PRAMEF15: variants seen among roughly 807,000 people sequenced by gnomAD.
The protein encoded by PRAMEF15 is PRAME family member 9/15.
In PRAMEF15, 21 loss-of-function variants were observed where a neutral mutation model predicts 35.3. That is an observed-to-expected ratio of 0.59 (90% CI 0.42 to 0.86). The LOEUF is 0.86. PRAMEF15 is among the 40% of genes least tolerant of loss of function. PRAMEF15 has a pLI of 0.00. For synonymous variants in PRAMEF15, 122 were observed against 223.3 expected (o/e 0.55, Z 4.05); for missense variants, 360 against 574.1 (o/e 0.63, Z 3.81).
chr1:13,319,200 A>G (rs527991370), intron 2 of PRAMEF15, among the ~76,000 whole-genome samples, 172 bp from the exon 3 acceptor site: 3 of 151,254 alleles, frequency 2.0e-5, no homozygotes, highest in Non-Finnish European at 2.9e-5. Flanking sequence ...TCTCAAAAAA[A>G]AAAAAAAACA....
At chr1:13,316,518 G>A (rs1640007263) in intron 1 of PRAMEF15, among the ~76,000 whole-genome samples, 2 of 152,024 alleles carry the variant, frequency 1.3e-5, no homozygotes, top group South Asian at 2.1e-4. Flanking sequence ...CATGGCTGTG[G>A]GGGGTGCATG....
chr1:13,320,867 TC>T (rs1330536202), intron 3 of PRAMEF15, among the ~76,000 whole-genome samples: 1 of 152,128 alleles, frequency 6.6e-6, no homozygotes, highest in Admixed American at 6.6e-5. Flanking sequence ...CATCTCTAAT[TC>T]CCTGTTGTAA....
At chr1:13,318,976 G>A (rs1436451084) in intron 2 of PRAMEF15, among the ~76,000 whole-genome samples, 4 of 151,914 alleles carry the variant, frequency 2.6e-5, no homozygotes, top group African/African-American at 9.7e-5. Flanking sequence ...ACATTGGGAG[G>A]CTGAGGTCAA....
rs1640093304 is a variant in PRAMEF15 at position 13,322,159 on chromosome 1, G to T, written c.1332G>T (p.Val444=). 5.6e-6 allele frequency: 9 copies of T among 1,609,398 alleles called. No individual in the cohort carries two copies. The highest frequency in any genetic ancestry group is 1.7e-5 in the Admixed American group (1 of 59,600). Residue 444 remains valine (V), a synonymous_variant, in exon 4 of 4, where the codon GTG becomes GTT. Transcript: ENST00000376152. ...AQIRAELMNR[V]RDLRHPKRIL... is the part of the protein sequence containing the mutation. ...TTAGGGCTGAGCTGATGAACAGAGT[G>T]AGGGACTTAAGGCACCCCAAGAGGA...
chr1:13,316,010 T>TTTTGA (rs1639997945), intron 1 of PRAMEF15, among the ~76,000 whole-genome samples: 2 of 150,602 alleles, frequency 1.3e-5, no homozygotes. Context: ...ACGTTTTTTT[T>TTTTGA]GGGGGTGGGG....
At chr1:13,321,403 G>C (rs1216470774) in intron 3 of PRAMEF15, among the ~76,000 whole-genome samples, 6 of 151,540 alleles carry the variant, frequency 4.0e-5, no homozygotes, top group South Asian at 2.1e-4. Flanking sequence ...TTAGTAGAGA[G>C]GAGGTTTTAC....
At chr1:13,317,311 C>T (rs1421433148) in intron 1 of PRAMEF15, among the ~76,000 whole-genome samples, 1 of 151,876 alleles carries the variant, frequency 6.6e-6, no homozygotes, top group Non-Finnish European at 1.5e-5. Flanking sequence ...CTCAGATGAT[C>T]CACCTGCCTC....
At position 13,319,595 on chromosome 1, in the gene PRAMEF15, G is replaced by T; in HGVS notation, c.517G>T (p.Val173Phe). The T allele has an allele frequency of 6.2e-7, 1 of 1,613,344 alleles. No individual in the cohort carries two copies. The highest frequency in any genetic ancestry group is 8.5e-7 in the Non-Finnish European group (1 of 1,179,536). ...DEYLTYLLLW[V>F]KQRKDLLHLC... Reference sequence around the variant, plus strand: ...ATACCTCACCTACCTCCTTCTATGGGTCAAGCAGAGGAAAGATTTACTACA... The same window carrying T: ...ATACCTCACCTACCTCCTTCTATGGTTCAAGCAGAGGAAAGATTTACTACA... The change falls in exon 3 of 4, where the codon GTC becomes TTC. Residue 173 changes from valine (V) to phenylalanine (F), a missense_variant. This residue lies in a region of PRAMEF15 where 36 missense variants were observed against 164.8 expected (regional missense o/e 0.22). Coordinates refer to ENST00000376152, the MANE Select transcript of PRAMEF15 (RefSeq NM_001098376.3).
chr1:13,318,904 T>C (rs1015588160), intron 2 of PRAMEF15, among the ~76,000 whole-genome samples: 25 of 151,786 alleles, frequency 1.6e-4, no homozygotes, highest in African/African-American at 5.3e-4. Flanking sequence ...CTAATGGCAC[T>C]GAAAGGCACC....
chr1:13,319,390 G>A lies in PRAMEF15; in HGVS notation c.312G>A (p.Val104=). ...GCCACAGGAGGTGGAAACTCCAAGT[G>A]CTGGATTTACAGGATGTCTGTGAGA... The part of the protein sequence containing the change: ...GVRPRRWKLQ[V]LDLQDVCENF... Residue 104 remains valine (V), a synonymous_variant, in exon 3 of 4, where the codon GTG becomes GTA. Coordinates refer to ENST00000376152, the MANE Select transcript of PRAMEF15 (RefSeq NM_001098376.3). The A allele has an allele frequency of 1.2e-6, 2 of 1,611,404 alleles. No homozygotes were observed. Among genetic ancestry groups the A allele is most frequent in the South Asian group, 2.2e-5 (2 of 90,976 alleles).
At chr1:13,321,635 C>G (rs1168560879) in intron 3 of PRAMEF15, 68 bp from the exon 4 acceptor site, 1 of 1,523,424 alleles carries the variant, frequency 6.6e-7, no homozygotes, top group Non-Finnish European at 9.0e-7. Flanking sequence ...TACCTTGAAG[C>G]CATTCCCCAC....
At chr1:13,320,313 C>G (rs1202990813) in intron 3 of PRAMEF15, among the ~76,000 whole-genome samples, 76 of 152,180 alleles carry the variant, frequency 5.0e-4, no homozygotes, top group African/African-American at 1.6e-3. Context: ...AATCCTATCA[C>G]TTTGGGAGTC....
rs1486233690 is a variant in PRAMEF15, at chr1:13,321,687, T to C, written c.876-16T>C. The C allele has an allele frequency of 6.2e-7, 1 of 1,607,528 alleles. No individual in the cohort carries two copies. Among genetic ancestry groups the C allele is most frequent in the Non-Finnish European group, 8.5e-7 (1 of 1,177,280 alleles). The stretch of plus-strand genomic sequence containing the variant: ...CTATGATTCCCCAGAATTAACTTCT[T>C]GCTCTCTCTCCCCAGCTGTCTGAAG... On this transcript the variant is annotated splice_polypyrimidine_tract_variant and intron_variant, in intron 3 of 3. Coordinates refer to ENST00000376152, the MANE Select transcript of PRAMEF15 (RefSeq NM_001098376.3).
intron 2 of PRAMEF15, among the ~76,000 whole-genome samples, chr1:13,319,012 T>C (rs1481789946): frequency 6.6e-6 from 1 of 151,804 alleles, no homozygotes; most frequent in African/African-American, 2.4e-5. Context: ...CTGTCCAACA[T>C]GGTAAACCCC....
Position 13,319,585 on chromosome 1 carries a change from CCTT to C in PRAMEF15, c.510_512del (p.Leu171del). 6.2e-7 allele frequency: 1 copy of C among 1,613,378 alleles called. No homozygotes were observed. Among genetic ancestry groups the C allele is most frequent in the Non-Finnish European group, 8.5e-7 (1 of 1,179,444 alleles). On this transcript the variant is annotated inframe_deletion, in exon 3 of 4. Transcript: ENST00000376152. ...CTCTGGATGAATACCTCACCTACCTCCTTCTATGGGTCAAGCAGAGGAAAGATT... is the reference window on the plus strand; with the variant it reads ...CTCTGGATGAATACCTCACCTACCTCCTATGGGTCAAGCAGAGGAAAGATT...
rs1239657977 is a variant in PRAMEF15 at position 13,319,369 on chromosome 1, C to T, written c.294-3C>T. Reference sequence around the variant, plus strand: ...TCTCAGTCTCACCTCTATTTTGCCACAGGAGGTGGAAACTCCAAGTGCTGG... The same window carrying T: ...TCTCAGTCTCACCTCTATTTTGCCATAGGAGGTGGAAACTCCAAGTGCTGG... On this transcript the variant is annotated splice_polypyrimidine_tract_variant and splice_region_variant and intron_variant, in intron 2 of 3. Coordinates refer to ENST00000376152, the MANE Select transcript of PRAMEF15 (RefSeq NM_001098376.3). 19 of 1,610,304 alleles carry T rather than the reference C, an allele frequency of 1.2e-5. 1 individual carries two copies. The highest frequency in any genetic ancestry group is 2.2e-4 in the Middle Eastern group (1 of 4,508).
chr1:13,317,560 G>C (rs2100316249), intron 1 of PRAMEF15, among the ~76,000 whole-genome samples: 1 of 152,040 alleles, frequency 6.6e-6, no homozygotes, highest in East Asian at 1.9e-4. Flanking sequence ...TTGAGACTAG[G>C]AGTTCAAGAC....
chr1:13,315,602 A>C lies in PRAMEF15; in HGVS notation c.-73A>C, dbSNP rs1178715139. ...AGAGACCCAAAGTCTTCAAGCCTGG[A>C]GTTCCTGCTTGGTTCTTCCTGAGGT... On this transcript the variant is annotated 5_prime_UTR_variant, in exon 1 of 4. Transcript: ENST00000376152. The C allele has an allele frequency of 6.6e-6, 1 of 151,068 alleles. No homozygotes were observed. The highest frequency in any genetic ancestry group is 1.5e-5 in the Non-Finnish European group (1 of 67,728). 9.4% of individuals were successfully genotyped at this position (151,068 alleles called of 1,614,324 possible). A position where few individuals can be genotyped will look rare whatever the true frequency, so the allele number is the denominator to read the frequency against.
At chr1:13,320,194 C>T (rs1422166084) in intron 3 of PRAMEF15, among the ~76,000 whole-genome samples, 1 of 151,172 alleles carries the variant, frequency 6.6e-6, no homozygotes, top group Admixed American at 6.6e-5. Flanking sequence ...AGGAAGCTAG[C>T]TACTGGGGGG....
Sources: gnomAD v4.1 joint callset for allele counts (sites outside exome capture counted in the v4.1 genomes callset) on GRCh38, gnomAD v4.1.1 for gene constraint, gnomAD v4.1.1 regional missense constraint, MANE v1.5 for transcripts, NCBI Gene and HGNC (gene_info 2026-07-23, HGNC 2026-07-21) for gene names.